Variants in GPC6 observed in about 807,000 individuals in gnomAD.
The protein encoded by GPC6 is glypican-6.
A neutral mutation model predicts 55.2 loss-of-function variants in GPC6; 14 were observed. The ratio of observed to expected loss-of-function variants is 0.25; its 90% confidence interval spans 0.17 to 0.40. The LOEUF is 0.40. GPC6 is among the 10% of genes least tolerant of loss of function. The pLI is 1.00. For synonymous variants in GPC6, 278 were observed against 259.6 expected, an observed-to-expected ratio of 1.07 and a Z score of -0.68; for missense variants, 641 against 708.5, an observed-to-expected ratio of 0.90 and a Z score of 1.08.
intron 1 of GPC6, among the ~76,000 whole-genome samples, chr13:93,519,807 A>G (rs1251930373): frequency 6.6e-6 from 1 of 151,978 alleles, no homozygotes; most frequent in African/African-American, 2.4e-5. Context: ...AAGTTACTCT[A>G]TATTCTTTGA....
intron 2 of GPC6, among the ~76,000 whole-genome samples, chr13:93,819,205 T>A (rs1273565225): frequency 6.6e-6 from 1 of 152,184 alleles, no homozygotes; most frequent in African/African-American, 2.4e-5. Flanking sequence ...TTTGTTCCAA[T>A]AGCCCCAGGT....
At position 94,382,454 on chromosome 13, in the gene GPC6, T is replaced by G; in HGVS notation, c.1193T>G (p.Val398Gly). ...IKEKLKLSKK[V>G]WSALPYTICK... Reference sequence around the variant, plus strand: ...GAGAAATTGAAGCTCTCTAAAAAGGTCTGGTCAGCATTACCCTACACTATC... The same window carrying G: ...GAGAAATTGAAGCTCTCTAAAAAGGGCTGGTCAGCATTACCCTACACTATC... Residue 398 changes from valine to glycine, a missense_variant, in exon 7 of 9, where the codon GTC (valine) becomes GGC (glycine). Physicochemically the swap from Val to Gly is moderately radical, Grantham distance 109. Transcript: ENST00000377047. 1 of 1,614,014 alleles carries G rather than the reference T, an allele frequency of 6.2e-7. No individual in the cohort carries two copies. Among genetic ancestry groups the G allele is most frequent in the Middle Eastern group, 1.6e-4 (1 of 6,062 alleles).
chr13:94,252,207 T>C (rs4142202), intron 4 of GPC6, among the ~76,000 whole-genome samples: 90,706 of 152,000 alleles, frequency 0.6, 27,320 homozygotes, highest in East Asian at 0.72. Flanking sequence ...CTTTGTTATA[T>C]AAAACCTTGA....
chr13:93,512,192 G>C (rs980352293), intron 1 of GPC6, among the ~76,000 whole-genome samples: 1 of 151,840 alleles, frequency 6.6e-6, no homozygotes, highest in East Asian at 1.9e-4. Flanking sequence ...GATTGCTCTG[G>C]CTAAGACTTC....
At chr13:93,237,020 G>C (rs1407657945) in intron 1 of GPC6, among the ~76,000 whole-genome samples, 4 of 152,278 alleles carry the variant, frequency 2.6e-5, no homozygotes, top group African/African-American at 9.6e-5. Context: ...GTTGTGTTGT[G>C]ATAAATATAT....
intron 2 of GPC6, among the ~76,000 whole-genome samples, chr13:93,802,326 G>C (rs1594470045): frequency 6.6e-6 from 1 of 151,646 alleles, no homozygotes; most frequent in Non-Finnish European, 1.5e-5. Context: ...TGTTATTTTT[G>C]CTATCACTCA....
chr13:93,543,139 C>G (rs9524117), intron 1 of GPC6, among the ~76,000 whole-genome samples: 2 of 151,938 alleles, frequency 1.3e-5, no homozygotes, highest in Middle Eastern at 3.4e-3. Context: ...TAGCCCATTC[C>G]ATATGATATT....
At chr13:93,914,114 G>A (rs937839011) in intron 3 of GPC6, among the ~76,000 whole-genome samples, 1 of 151,824 alleles carries the variant, frequency 6.6e-6, no homozygotes, top group African/African-American at 2.4e-5. Flanking sequence ...TGTGCACAAC[G>A]TGCAGGTTAG....
intron 6 of GPC6, among the ~76,000 whole-genome samples, chr13:94,325,986 A>T (rs1413115446): frequency 6.6e-6 from 1 of 152,172 alleles, no homozygotes; most frequent in Non-Finnish European, 1.5e-5. Flanking sequence ...AGGCATGCAG[A>T]TTGACATTAC....
chr13:94,390,782 G>C (rs1051847064), intron 7 of GPC6, among the ~76,000 whole-genome samples: 9 of 152,030 alleles, frequency 5.9e-5, no homozygotes, highest in African/African-American at 2.2e-4. Flanking sequence ...GTTCTAAAAT[G>C]CCCACTTCCC....
intron 6 of GPC6, among the ~76,000 whole-genome samples, chr13:94,307,335 T>A (rs1026869441): frequency 3.3e-5 from 5 of 152,148 alleles, no homozygotes; most frequent in Non-Finnish European, 7.4e-5. Flanking sequence ...TTTTTTTCCC[T>A]TGAGACGGGG....
intron 4 of GPC6, among the ~76,000 whole-genome samples, chr13:94,276,105 A>G (rs1420771301): frequency 1.3e-5 from 2 of 152,206 alleles, no homozygotes; most frequent in African/African-American, 4.8e-5. Flanking sequence ...TTATTTGTAC[A>G]TGGGTTGAAT....
chr13:94,114,096 C>CA (rs10581935), intron 4 of GPC6, among the ~76,000 whole-genome samples: 19 of 34,384 alleles, frequency 5.5e-4, no homozygotes, highest in South Asian at 2.9e-3. Context: ...TTAGCTTTAT[C>CA]AAAAAAAAAA....
chr13:93,310,758 A>G (rs180786941), intron 1 of GPC6, among the ~76,000 whole-genome samples: 4 of 152,194 alleles, frequency 2.6e-5, no homozygotes, highest in African/African-American at 7.2e-5. Flanking sequence ...TCTATATTTT[A>G]GGAGCATTGT....
intron 3 of GPC6, among the ~76,000 whole-genome samples, chr13:93,859,580 A>G (rs17253269): frequency 0.037 from 5,583 of 151,758 alleles, 285 homozygotes; most frequent in East Asian, 0.17. Context: ...AGTAGTTACC[A>G]TTGTCTATCA....
intron 3 of GPC6, among the ~76,000 whole-genome samples, chr13:93,859,014 A>C (rs1831130150): frequency 6.6e-6 from 1 of 151,578 alleles, no homozygotes; most frequent in Non-Finnish European, 1.5e-5. Flanking sequence ...CAACGCAGAG[A>C]AAAATTTCTA....
intron 3 of GPC6, among the ~76,000 whole-genome samples, chr13:93,837,722 A>G (rs1394523244): frequency 6.6e-6 from 1 of 152,196 alleles, no homozygotes; most frequent in Non-Finnish European, 1.5e-5. Flanking sequence ...TATGCAATAA[A>G]TGCTTTGGGA....
At chr13:94,384,407 T>C (rs1880309210) in intron 7 of GPC6, among the ~76,000 whole-genome samples, 1 of 152,208 alleles carries the variant, frequency 6.6e-6, no homozygotes, top group African/African-American at 2.4e-5. Context: ...ATGCTTGGTT[T>C]TTTGAGCTTC....
intron 2 of GPC6, among the ~76,000 whole-genome samples, chr13:93,621,651 A>G (rs183560347): frequency 1.1e-4 from 16 of 152,298 alleles, no homozygotes; most frequent in Admixed American, 1.0e-3. Context: ...AGAGTTAGGG[A>G]GAAGTAAATA....
Sources: allele counts gnomAD v4.1 joint callset (sites outside exome capture counted in the v4.1 genomes callset), GRCh38; gene constraint gnomAD v4.1.1; transcripts MANE v1.5; gene names NCBI Gene and HGNC (gene_info 2026-07-23, HGNC 2026-07-21).